The following WDPCP variants were observed in gnomAD, a reference collection of about 807,000 sequenced individuals.
WDPCP encodes WD repeat containing planar cell polarity effector, also known as WD repeat-containing and planar cell polarity effector protein fritz homolog.
Under a neutral mutation model 93.1 loss-of-function variants are expected in WDPCP, and 71 were observed. The observed-to-expected ratio is 0.76, with a 90% CI of 0.63 to 0.93. WDPCP has a LOEUF of 0.93. WDPCP is among the 40% of genes least tolerant of loss of function. The probability of loss-of-function intolerance (pLI) is 0.00; values close to 1 mark genes in which losing one functional copy is unlikely to be tolerated. For missense variants in WDPCP, 844 were observed against 887.4 expected, an observed-to-expected ratio of 0.95 and a Z score of 0.62; for synonymous variants, 315 against 315.0, an observed-to-expected ratio of 1.00 and a Z score of 0.00.
chr2:63,577,551 G>A (rs1364203803), intron 1 of WDPCP, among the ~76,000 whole-genome samples: 2 of 152,038 alleles, frequency 1.3e-5, no homozygotes, highest in Non-Finnish European at 2.9e-5. Flanking sequence ...ATCATTAAAG[G>A]ATGCAAACCT....
intron 9 of WDPCP, among the ~76,000 whole-genome samples, chr2:63,410,973 T>C (rs1166972672): frequency 6.6e-6 from 1 of 152,116 alleles, no homozygotes; most frequent in Non-Finnish European, 1.5e-5. Context: ...CTAACAGCAC[T>C]AGACAGGTCA....
chr2:63,536,940 G>T (rs1704329705), intron 1 of WDPCP, among the ~76,000 whole-genome samples: 1 of 151,728 alleles, frequency 6.6e-6, no homozygotes, highest in Non-Finnish European at 1.5e-5. Context: ...CAATTTTTTT[G>T]TATTTTTAAG....
At chr2:63,371,337 C>T (rs1691367141) in intron 12 of WDPCP, among the ~76,000 whole-genome samples, 1 of 152,138 alleles carries the variant, frequency 6.6e-6, no homozygotes, top group African/African-American at 2.4e-5. Flanking sequence ...CCATCGCTTA[C>T]TCAATTACTG....
At chr2:63,139,489 TTTGA>T (rs1270699762) in intron 17 of WDPCP, among the ~76,000 whole-genome samples, 1 of 152,148 alleles carries the variant, frequency 6.6e-6, no homozygotes, top group African/African-American at 2.4e-5. Context: ...ACATCTACTG[TTTGA>T]TTTTTTTTAT....
intron 14 of WDPCP, among the ~76,000 whole-genome samples, chr2:63,195,759 A>G (rs1478953736): frequency 6.6e-6 from 1 of 152,220 alleles, no homozygotes; most frequent in Non-Finnish European, 1.5e-5. Flanking sequence ...TCAAAAAAAC[A>G]TGTAGATACT....
chr2:63,615,365 G>A lies in WDPCP; in HGVS notation n.488+35294C>T, dbSNP rs866478443. On this transcript the variant is annotated intron_variant and non_coding_transcript_variant, in intron 3 of 4. Transcript: ENST00000467687. ...GTACCTGGGGCCAGGCATGTCCACCGTGCGGGATCTACCTCCCCTTTTTCA... is the reference window on the plus strand; with the variant it reads ...GTACCTGGGGCCAGGCATGTCCACCATGCGGGATCTACCTCCCCTTTTTCA... Among the ~76,000 whole-genome samples, 8 of 152,268 alleles carry A rather than the reference G, an allele frequency of 5.3e-5. 1 individual carries two copies. Among genetic ancestry groups the A allele is most frequent in the Middle Eastern group, 6.8e-3 (2 of 294 alleles).
At chr2:63,496,903 A>T (rs752070609) in intron 1 of WDPCP, among the ~76,000 whole-genome samples, 2 of 151,814 alleles carry the variant, frequency 1.3e-5, no homozygotes, top group Non-Finnish European at 2.9e-5. Context: ...CTTGAGACCA[A>T]GAGTTCGAGA....
chr2:63,638,319 T>C (rs923179498), intron 3 of WDPCP, among the ~76,000 whole-genome samples: 1 of 150,140 alleles, frequency 6.7e-6, no homozygotes, highest in Non-Finnish European at 1.5e-5. Context: ...ATTCTCTCTC[T>C]CTCTCTCACA....
At chr2:63,548,486 G>A (rs1472165311) in intron 1 of WDPCP, among the ~76,000 whole-genome samples, 1 of 151,958 alleles carries the variant, frequency 6.6e-6, no homozygotes, top group Non-Finnish European at 1.5e-5. Flanking sequence ...AATAGATATG[G>A]ATTTTAGAAC....
intron 17 of WDPCP, among the ~76,000 whole-genome samples, chr2:63,147,766 C>G (rs899654305): frequency 1.6e-4 from 25 of 151,946 alleles, no homozygotes; most frequent in African/African-American, 5.8e-4. Flanking sequence ...CTCAGTAGTT[C>G]GAGACCAACC....
At chr2:63,327,768 G>A (rs986679420) in intron 12 of WDPCP, among the ~76,000 whole-genome samples, 9 of 152,036 alleles carry the variant, frequency 5.9e-5, no homozygotes, top group African/African-American at 1.7e-4. Context: ...ACTTGCCTTC[G>A]GGGCCCTGTA....
chr2:63,141,331 C>A lies in WDPCP; in HGVS notation c.2190+11583G>T, dbSNP rs1202210812. On this transcript the variant is annotated intron_variant, in intron 17 of 17. Transcript: ENST00000272321. ...TGACCTCGTGATCCACCCGCCTCAG[C>A]CCCCCAAAGTGCTGGGATTACAGGC... Among the ~76,000 whole-genome samples the A allele has an allele frequency of 2.0e-5, 3 of 152,158 alleles. No individual in the cohort carries two copies. The South Asian group carries it at 6.2e-4, about 31-fold the overall frequency.
intron 9 of WDPCP, among the ~76,000 whole-genome samples, chr2:63,425,827 T>G (rs1245491001): frequency 6.6e-6 from 1 of 152,018 alleles, no homozygotes; most frequent in African/African-American, 2.4e-5. Flanking sequence ...AAGAAAACAT[T>G]CCCAATCTCC....
intron 13 of WDPCP, among the ~76,000 whole-genome samples, chr2:63,267,424 G>C (rs918981294): frequency 2.0e-5 from 3 of 152,044 alleles, no homozygotes; most frequent in Non-Finnish European, 4.4e-5. Context: ...CATTTGCCTG[G>C]GCAATGATTT....
At chr2:63,508,953 A>G (rs912638550) in intron 1 of WDPCP, among the ~76,000 whole-genome samples, 3 of 152,176 alleles carry the variant, frequency 2.0e-5, no homozygotes, top group Non-Finnish European at 4.4e-5. Context: ...GAGACCTACA[A>G]AGAGACTTAG....
intron 10 of WDPCP, among the ~76,000 whole-genome samples, chr2:63,382,909 T>A (rs1019163900): frequency 1.3e-5 from 2 of 152,144 alleles, no homozygotes; most frequent in African/African-American, 4.8e-5. Flanking sequence ...ACAGCCTTCA[T>A]GAGCCTGCAG....
chr2:63,526,032 T>C (rs1703314041), intron 1 of WDPCP, among the ~76,000 whole-genome samples: 1 of 151,866 alleles, frequency 6.6e-6, no homozygotes, highest in African/African-American at 2.4e-5. Context: ...AAAGGGCAAA[T>C]ACTTCTGTTG....
chr2:63,358,085 G>A (rs1382763393), intron 12 of WDPCP, among the ~76,000 whole-genome samples: 1 of 152,112 alleles, frequency 6.6e-6, no homozygotes, highest in Non-Finnish European at 1.5e-5. Context: ...GTCTACTTGA[G>A]GGTGGAGGTG....
chr2:63,622,789 A>C, intron 3 of WDPCP: 1 of 1,612,648 alleles, frequency 6.2e-7, no homozygotes, highest in Non-Finnish European at 8.5e-7. Flanking sequence ...ACTTGGTCCC[A>C]GGAACTCCGG....
Sources: gnomAD v4.1 joint callset for allele counts (sites outside exome capture counted in the v4.1 genomes callset) on GRCh38, gnomAD v4.1.1 for gene constraint, MANE v1.5 for transcripts, NCBI Gene and HGNC (gene_info 2026-07-23, HGNC 2026-07-21) for gene names.